Variants in CRISPLD2 observed in about 807,000 individuals in gnomAD.
CRISPLD2 encodes the protein cysteine rich secretory protein LCCL domain containing 2.
A neutral mutation model predicts 71.1 loss-of-function variants in CRISPLD2; 47 were observed. The ratio of observed to expected loss-of-function variants is 0.66; its 90% confidence interval spans 0.52 to 0.84. CRISPLD2 has a LOEUF of 0.84. CRISPLD2 is among the 40% of genes least tolerant of loss of function. The pLI, the probability that CRISPLD2 is intolerant of heterozygous loss-of-function variation, is 0.00. For missense variants in CRISPLD2, 830 were observed against 651.1 expected, an observed-to-expected ratio of 1.27 and a Z score of -2.99; for synonymous variants, 317 against 250.1, an observed-to-expected ratio of 1.27 and a Z score of -2.52.
At chr16:84,884,981 G>C (rs2071599665) in intron 13 of CRISPLD2, among the ~76,000 whole-genome samples, 1 of 152,204 alleles carries the variant, frequency 6.6e-6, no homozygotes, top group Non-Finnish European at 1.5e-5. Flanking sequence ...CCTTGCTCCT[G>C]GTACTGCAGC....
At chr16:84,890,388 A>G (rs998583979) in intron 14 of CRISPLD2, among the ~76,000 whole-genome samples, 7 of 151,264 alleles carry the variant, frequency 4.6e-5, no homozygotes, top group Admixed American at 3.3e-4. Context: ...AGTAAGAAGC[A>G]CTCTGCAAAT....
At chr16:84,869,965 G>A (rs80166792) in intron 8 of CRISPLD2, among the ~76,000 whole-genome samples, 2,820 of 152,304 alleles carry the variant, frequency 0.019, 95 homozygotes, top group African/African-American at 0.065. Context: ...CAGGGAGAAG[G>A]CAAGAATCTG....
chr16:84,835,157 C>G (rs767733904), intron 1 of CRISPLD2, among the ~76,000 whole-genome samples: 1 of 152,120 alleles, frequency 6.6e-6, no homozygotes, highest in Non-Finnish European at 1.5e-5. Flanking sequence ...ATGGCATGAT[C>G]TCGGCTCACT....
At chr16:84,848,660 C>G (rs760457991) in intron 3 of CRISPLD2, among the ~76,000 whole-genome samples, 1 of 152,110 alleles carries the variant, frequency 6.6e-6, no homozygotes, top group Non-Finnish European at 1.5e-5. Flanking sequence ...AGGCTGGTCT[C>G]CAACTCCTGA....
chr16:84,877,641 G>T lies in CRISPLD2; in HGVS notation c.1229+131G>T, dbSNP rs1597474237. 3 of 649,956 alleles carry T rather than the reference G, an allele frequency of 4.6e-6. No individual in the cohort carries two copies. The East Asian group carries it at 1.1e-4, about 23-fold the overall frequency. The allele number at this position is 649,956 out of a possible 1,614,324, so 40.3% of individuals were successfully genotyped here. A position where few individuals can be genotyped will look rare whatever the true frequency, so the allele number is the denominator to read the frequency against. ...GAGGCGGGTGGATCACTTGAGGCCA[G>T]GAGTTCGTGACCAGCCTGGCCAACA... On this transcript the variant is annotated intron_variant, in intron 12 of 14. Transcript: ENST00000262424.
intron 13 of CRISPLD2, among the ~76,000 whole-genome samples, chr16:84,881,283 A>G (rs1004628145): frequency 6.6e-6 from 1 of 152,268 alleles, no homozygotes; most frequent in Non-Finnish European, 1.5e-5. Context: ...CTAAAAGCAC[A>G]AAGAAGATAA....
At chr16:84,882,371 A>AAAAAAAAAAAAGAAAT (rs368239840) in intron 13 of CRISPLD2, among the ~76,000 whole-genome samples, 27 of 114,164 alleles carry the variant, frequency 2.4e-4, no homozygotes, top group African/African-American at 7.4e-4. Context: ...AAAAAAAAAA[A>AAAAAAAAAAAAGAAAT]GCAAGAACTT....
At chr16:84,857,247 G>A (rs567804265) in intron 6 of CRISPLD2, among the ~76,000 whole-genome samples, 2 of 152,324 alleles carry the variant, frequency 1.3e-5, no homozygotes, top group Admixed American at 1.3e-4. Context: ...GGCCCATTGG[G>A]CGATGACAGA....
In CRISPLD2 at chr16:84,871,870, GAAAAAAAAAAAAAAA is replaced by G. The variant is rs56328159; in HGVS notation, c.915-557_915-543del. 7.3e-3 allele frequency among the ~76,000 whole-genome samples: 732 copies of G among 100,060 alleles called. 21 individuals are homozygous for G. The highest frequency in any genetic ancestry group is 0.024 in the African/African-American group (672 of 27,572). The allele number at this position is 100,060 out of a possible 152,430, so 65.6% of individuals were successfully genotyped here. On this transcript the variant is annotated intron_variant, in intron 8 of 14. Transcript: ENST00000262424. ...CCTGGCCTTGTTTTTTTTCAAATGA[GAAAAAAAAAAAAAAA>G]AAAAAAAAAAAAAAGACTATGGTTG...
In CRISPLD2 at chr16:84,838,569, T is replaced by G; in HGVS notation, c.74T>G (p.Leu25Arg). Residue 25 changes from leucine to arginine, a missense_variant, in exon 2 of 15, where the codon CTG becomes CGG. By Grantham distance (102) the Leu-to-Arg change is moderately radical. Coordinates refer to ENST00000262424, the MANE Select transcript of CRISPLD2 (RefSeq NM_031476.4). ...FLVCGSQGYL[L>R]PNVTLLEELL... is the part of the protein sequence containing the mutation. ...GTCTGCGGATCCCAAGGCTACCTCC[T>G]GCCCAACGTCACTCTCTTAGAGGAG... 3.7e-6 allele frequency: 6 copies of G among 1,614,210 alleles called. No individual in the cohort carries two copies. The highest frequency in any genetic ancestry group is 5.1e-6 in the Non-Finnish European group (6 of 1,180,032).
intron 14 of CRISPLD2, 93 bp from the exon 15 acceptor site, chr16:84,906,495 C>G: frequency 7.5e-7 from 1 of 1,333,230 alleles, no homozygotes. Context: ...CGGGAGCAAG[C>G]AGGAGGCACC....
intron 3 of CRISPLD2, 95 bp from the exon 4 acceptor site, chr16:84,849,290 G>T: frequency 1.6e-6 from 2 of 1,274,278 alleles, no homozygotes; most frequent in Non-Finnish European, 2.2e-6. Flanking sequence ...CACCCTCCTC[G>T]GCCTCCCTCC....
intron 6 of CRISPLD2, among the ~76,000 whole-genome samples, chr16:84,865,856 G>A (rs528026552): frequency 6.6e-6 from 1 of 152,234 alleles, no homozygotes; most frequent in East Asian, 1.9e-4. Context: ...AATGTGTTTG[G>A]TTAATTAAAA....
At chr16:84,881,738 A>T (rs1463029395) in intron 13 of CRISPLD2, among the ~76,000 whole-genome samples, 4 of 152,078 alleles carry the variant, frequency 2.6e-5, no homozygotes, top group Non-Finnish European at 5.9e-5. Context: ...GGCCTCCCAA[A>T]GTGCTGGGAT....
chr16:84,839,229 T>C (rs1015879686), intron 2 of CRISPLD2: 2 of 327,082 alleles, frequency 6.1e-6, no homozygotes, highest in East Asian at 1.7e-4. Context: ...CACACGTGGG[T>C]TCCCTGTGCA....
chr16:84,869,145 G>A (rs2071443281), intron 8 of CRISPLD2, among the ~76,000 whole-genome samples: 1 of 152,194 alleles, frequency 6.6e-6, no homozygotes, highest in Non-Finnish European at 1.5e-5. Flanking sequence ...CTCCCAGTGG[G>A]CCCCACCAGA....
intron 11 of CRISPLD2, among the ~76,000 whole-genome samples, chr16:84,875,485 A>C (rs1263979974): frequency 6.9e-6 from 1 of 144,166 alleles, no homozygotes; most frequent in Admixed American, 7.2e-5. Flanking sequence ...TCTGTAGCCC[A>C]AGACAATTCT....
In CRISPLD2 at chr16:84,906,941, C is replaced by G; in HGVS notation, c.*299C>G. The G allele has an allele frequency of 2.3e-6, 1 of 442,486 alleles. No individual in the cohort carries two copies. 27.4% of individuals were successfully genotyped at this position (442,486 alleles called of 1,614,324 possible). A position where few individuals can be genotyped will look rare whatever the true frequency, so the allele number is the denominator to read the frequency against. On this transcript the variant is annotated 3_prime_UTR_variant, in exon 15 of 15. Coordinates refer to ENST00000262424, the MANE Select transcript of CRISPLD2 (RefSeq NM_031476.4). ...GCTGTCTCTTAAAGGGGACAGTTGC[C>G]CAAAATGTTCCTTGCTATGTGTTCT...
At chr16:84,893,670 G>T (rs1567704706) in intron 14 of CRISPLD2, among the ~76,000 whole-genome samples, 1 of 152,206 alleles carries the variant, frequency 6.6e-6, no homozygotes, top group African/African-American at 2.4e-5. Context: ...CATCAAGAGG[G>T]CTAGTCTTAC....
Sources: allele counts gnomAD v4.1 joint callset (sites outside exome capture counted in the v4.1 genomes callset), GRCh38; gene constraint gnomAD v4.1.1; transcripts MANE v1.5; gene names NCBI Gene and HGNC (gene_info 2026-07-23, HGNC 2026-07-21).